Variants in SLC6A11 observed in about 807,000 individuals in gnomAD.
The protein encoded by SLC6A11 is solute carrier family 6 member 11.
SLC6A11 carries 25 observed loss-of-function variants against 74.8 expected under a neutral mutation model. The ratio of observed to expected loss-of-function variants is 0.33; its 90% CI spans 0.24 to 0.47. The LOEUF is 0.47. SLC6A11 is among the 20% of genes least tolerant of loss of function. The pLI, the probability that SLC6A11 is intolerant of heterozygous loss-of-function variation, is 1.00. For missense variants in SLC6A11, 574 were observed against 837.0 expected (o/e 0.69, Z 3.88); for synonymous variants, 330 against 330.2 (o/e 1.00, Z 0.01).
At chr3:10,872,204 C>T (rs557325744) in intron 5 of SLC6A11, among the ~76,000 whole-genome samples, 11 of 152,316 alleles carry the variant, frequency 7.2e-5, no homozygotes, top group South Asian at 2.1e-4. Context: ...GTCTGGTTGT[C>T]GTTCATTCAC....
chr3:10,920,881 T>C (rs996984587), intron 8 of SLC6A11, among the ~76,000 whole-genome samples: 7 of 152,198 alleles, frequency 4.6e-5, no homozygotes, highest in Non-Finnish European at 1.0e-4. Context: ...GTTGGGGGTG[T>C]GGATCACACC....
At chr3:10,880,187 T>TCTACTACTCTTC (rs1694958328) in intron 6 of SLC6A11, among the ~76,000 whole-genome samples, 1 of 151,964 alleles carries the variant, frequency 6.6e-6, no homozygotes, top group Non-Finnish European at 1.5e-5. Context: ...GGAAGAGGGG[T>TCTACTACTCTTC]CGACTGGAAG....
At chr3:10,925,456 T>C (rs1695590676) in intron 8 of SLC6A11, among the ~76,000 whole-genome samples, 1 of 152,068 alleles carries the variant, frequency 6.6e-6, no homozygotes, top group African/African-American at 2.4e-5. Flanking sequence ...ATTGATAAAG[T>C]TCATCCCGAG....
intron 6 of SLC6A11, among the ~76,000 whole-genome samples, chr3:10,890,675 T>C (rs535908395): frequency 6.6e-6 from 1 of 152,254 alleles, no homozygotes; most frequent in Non-Finnish European, 1.5e-5. Flanking sequence ...GAGTTGACAC[T>C]TGTATTTCAC....
chr3:10,850,755 C>A (rs757561921), intron 5 of SLC6A11, among the ~76,000 whole-genome samples: 1 of 152,160 alleles, frequency 6.6e-6, no homozygotes, highest in African/African-American at 2.4e-5. Context: ...GTTGGAGAAC[C>A]ACTACAGGTT....
At chr3:10,878,690 G>A (rs1694940675) in intron 6 of SLC6A11, among the ~76,000 whole-genome samples, 1 of 151,842 alleles carries the variant, frequency 6.6e-6, no homozygotes, top group Non-Finnish European at 1.5e-5. Flanking sequence ...TGGGATTACA[G>A]GCGTGATCCA....
intron 6 of SLC6A11, among the ~76,000 whole-genome samples, chr3:10,895,063 GA>G (rs1695154407): frequency 6.6e-6 from 1 of 152,156 alleles, no homozygotes; most frequent in South Asian, 2.1e-4. Flanking sequence ...AAGTGGAGAT[GA>G]TAATAGTACC....
chr3:10,828,031 C>T (rs1417317966), intron 4 of SLC6A11, among the ~76,000 whole-genome samples: 1 of 152,104 alleles, frequency 6.6e-6, no homozygotes, highest in African/African-American at 2.4e-5. Flanking sequence ...CCTTAGTAAC[C>T]CATTATGCAT....
At chr3:10,861,384 G>A (rs1275311969) in intron 5 of SLC6A11, among the ~76,000 whole-genome samples, 2 of 151,902 alleles carry the variant, frequency 1.3e-5, no homozygotes, top group Non-Finnish European at 2.9e-5. Flanking sequence ...GGGCATGGTG[G>A]TGGACACCTG....
chr3:10,862,308 T>C (rs2106595146), intron 5 of SLC6A11, among the ~76,000 whole-genome samples: 1 of 152,256 alleles, frequency 6.6e-6, no homozygotes, highest in African/African-American at 2.4e-5. Context: ...TGTTGGAATG[T>C]TTATGTTGCT....
intron 6 of SLC6A11, among the ~76,000 whole-genome samples, chr3:10,901,385 G>T (rs1409204703): frequency 1.3e-5 from 2 of 152,182 alleles, no homozygotes; most frequent in Middle Eastern, 3.2e-3. Flanking sequence ...GGCCACCGGG[G>T]TCGGCCTACA....
At chr3:10,888,636 G>A (rs980602832) in intron 6 of SLC6A11, among the ~76,000 whole-genome samples, 3 of 152,256 alleles carry the variant, frequency 2.0e-5, no homozygotes, top group African/African-American at 7.2e-5. Flanking sequence ...AGAGTACAGG[G>A]ATGAAATGGT....
intron 6 of SLC6A11, among the ~76,000 whole-genome samples, chr3:10,878,490 C>T (rs933478394): frequency 9.4e-5 from 14 of 148,462 alleles, no homozygotes; most frequent in Admixed American, 4.0e-4. Flanking sequence ...ATGCAACCTC[C>T]GCTTCCCAGG....
intron 10 of SLC6A11, among the ~76,000 whole-genome samples, chr3:10,931,448 A>G (rs1225368370): frequency 1.3e-5 from 2 of 152,202 alleles, no homozygotes; most frequent in Non-Finnish European, 2.9e-5. Context: ...TACTCCACAG[A>G]GAGGTGCCTC....
At chr3:10,933,935 G>A (rs41293363) in intron 11 of SLC6A11, 131 bp from the exon 12 acceptor site, 7,385 of 621,836 alleles carry the variant, frequency 0.012, 65 homozygotes, top group Non-Finnish European at 0.017. Flanking sequence ...CGTTGTTTAA[G>A]CAGTACAAAG....
chr3:10,886,606 G>A lies in SLC6A11; in HGVS notation c.891+11511G>A, dbSNP rs113966017. Among the ~76,000 whole-genome samples the A allele has an allele frequency of 7.2e-3, 1,102 of 152,156 alleles. 10 individuals are homozygous for A. Among genetic ancestry groups the A allele is most frequent in the African/African-American group, 0.022 (907 of 41,500 alleles). On this transcript the variant is annotated intron_variant, in intron 6 of 13. Coordinates refer to ENST00000254488, the MANE Select transcript of SLC6A11 (RefSeq NM_014229.3). ...GTGGATCACTGAGGTCAGGAATTCC[G>A]GACCAGCCTGACCAATATGATGAAG...
intron 1 of SLC6A11, among the ~76,000 whole-genome samples, chr3:10,817,434 C>G (rs1694078198): frequency 6.6e-6 from 1 of 152,192 alleles, no homozygotes; most frequent in African/African-American, 2.4e-5. Flanking sequence ...GGAAGGGGCT[C>G]CAGCCTTCAG....
chr3:10,860,024 C>A (rs1694684555), intron 5 of SLC6A11, among the ~76,000 whole-genome samples: 1 of 152,166 alleles, frequency 6.6e-6, no homozygotes, highest in South Asian at 2.1e-4. Flanking sequence ...AACATAGCTT[C>A]ATTTACTTGG....
At chr3:10,833,795 C>T (rs1173206009) in intron 4 of SLC6A11, among the ~76,000 whole-genome samples, 2 of 152,178 alleles carry the variant, frequency 1.3e-5, no homozygotes, top group African/African-American at 2.4e-5. Flanking sequence ...CTGTGGTCTC[C>T]TGTTATTATG....
Sources: allele counts gnomAD v4.1 joint callset (sites outside exome capture counted in the v4.1 genomes callset), GRCh38; gene constraint gnomAD v4.1.1; transcripts MANE v1.5; gene names NCBI Gene and HGNC (gene_info 2026-07-23, HGNC 2026-07-21).